The following DPF2 variants were observed in gnomAD, a reference collection of about 807,000 sequenced individuals.
The protein encoded by DPF2 is zinc finger protein ubi-d4.
Under a neutral mutation model 59.6 loss-of-function variants are expected in DPF2, and 10 were observed. That is an observed-to-expected ratio of 0.17 (90% CI 0.10 to 0.28). DPF2 has a LOEUF of 0.28. Ranked by LOEUF, DPF2 falls within the 10% of genes least tolerant of loss-of-function variation. DPF2 has a pLI of 1.00. For synonymous variants in DPF2, 189 were observed against 190.6 expected (o/e 0.99, Z 0.07); for missense variants, 315 against 509.4 (o/e 0.62, Z 3.67).
intron 1 of DPF2, among the ~76,000 whole-genome samples, chr11:65,337,073 AAG>A (rs1008903448): frequency 9.9e-5 from 15 of 152,218 alleles, no homozygotes; most frequent in South Asian, 2.1e-4. Context: ...GTCTCAAAAA[AAG>A]AGAGAAAGTC....
chr11:65,348,937 T>C lies in DPF2; in HGVS notation c.1099+6T>C. The C allele has an allele frequency of 5.6e-6, 9 of 1,614,182 alleles. No individual in the cohort carries two copies. Among genetic ancestry groups the C allele is most frequent in the Non-Finnish European group, 6.8e-6 (8 of 1,180,002 alleles). On this transcript the variant is annotated splice_donor_region_variant and intron_variant, in intron 10 of 10. Coordinates refer to ENST00000528416, the MANE Select transcript of DPF2 (RefSeq NM_006268.5). ...CATGTCTGAGCCCCCTGAAGGTAAGTTGCCCAGATCTTTTACTCAGAACAA... is the reference window on the plus strand; with the variant it reads ...CATGTCTGAGCCCCCTGAAGGTAAGCTGCCCAGATCTTTTACTCAGAACAA...
intron 1 of DPF2, among the ~76,000 whole-genome samples, chr11:65,337,962 G>T (rs1057252289): frequency 6.6e-6 from 1 of 151,966 alleles, no homozygotes; most frequent in African/African-American, 2.4e-5. Flanking sequence ...GTACCACCAC[G>T]CCCGGCTAAT....
chr11:65,350,991 AAAAT>A (rs1452619501), intron 10 of DPF2, among the ~76,000 whole-genome samples: 2 of 151,914 alleles, frequency 1.3e-5, no homozygotes, highest in African/African-American at 4.8e-5. Context: ...AGAAAAAAAA[AAAAT>A]AAAGGGAGTT....
chr11:65,340,641 A>G (rs1457866745), intron 2 of DPF2, 96 bp downstream of exon 2: 4 of 1,499,748 alleles, frequency 2.7e-6, no homozygotes, highest in Admixed American at 2.1e-5. Context: ...GGTTTTCCCT[A>G]CTGCCTTCCA....
intron 2 of DPF2, 56 bp downstream of exon 2, chr11:65,340,601 C>T: frequency 6.2e-7 from 1 of 1,601,606 alleles, no homozygotes; most frequent in Non-Finnish European, 8.5e-7. Context: ...GAAGAAGCCT[C>T]CTCATCTTAG....
chr11:65,345,615 A>G, intron 6 of DPF2, 51 bp from the exon 7 acceptor site: 1 of 1,607,628 alleles, frequency 6.2e-7, no homozygotes, highest in South Asian at 1.1e-5. Flanking sequence ...GGATGGGGAC[A>G]TGGCACTCTT....
chr11:65,348,726 C>T, intron 9 of DPF2, 124 bp from the exon 10 acceptor site: 1 of 843,916 alleles, frequency 1.2e-6, no homozygotes, highest in Middle Eastern at 2.8e-4. Context: ...CATGGTTTCC[C>T]ACATAAGATT....
intron 5 of DPF2, 55 bp downstream of exon 5, chr11:65,343,892 T>G (rs1387120272): frequency 6.3e-6 from 10 of 1,591,428 alleles, no homozygotes; most frequent in African/African-American, 2.7e-5. Context: ...AGGGAATTCC[T>G]TATTTTATTT....
At chr11:65,343,704 TG>T in intron 4 of DPF2, 40 bp from the exon 5 acceptor site, 1 of 1,554,082 alleles carries the variant, frequency 6.4e-7, no homozygotes, top group Non-Finnish European at 8.7e-7. Flanking sequence ...AGCTTTTGGA[TG>T]CACATATTTC....
chr11:65,349,460 C>T (rs1854628595), intron 10 of DPF2, among the ~76,000 whole-genome samples: 1 of 152,066 alleles, frequency 6.6e-6, no homozygotes, highest in Non-Finnish European at 1.5e-5. Context: ...TCCACAAGTC[C>T]CCTTCCAGCT....
rs112866560 is a variant in DPF2 at position 65,354,053 on chromosome 11, G to A, written c.*2294G>A. ...GACAGTGTCAGCCGGTAGGACGGGGGTGCGGACGGAAGCCTGTGAGGAAGG... is the reference window on the plus strand; with the variant it reads ...GACAGTGTCAGCCGGTAGGACGGGGATGCGGACGGAAGCCTGTGAGGAAGG... On this transcript the variant is annotated 3_prime_UTR_variant, in exon 11 of 11. Coordinates refer to ENST00000528416, the MANE Select transcript of DPF2 (RefSeq NM_006268.5). Among the ~76,000 whole-genome samples the A allele has an allele frequency of 2.6e-5, 4 of 152,188 alleles. No individual in the cohort carries two copies. Among genetic ancestry groups the A allele is most frequent in the African/African-American group, 7.2e-5 (3 of 41,442 alleles).
Position 65,351,754 on chromosome 11 carries a change from T to A in DPF2, c.1171T>A (p.Ser391Thr). 1 of 1,613,020 alleles carries A rather than the reference T, an allele frequency of 6.2e-7. No homozygotes were observed. The highest frequency in any genetic ancestry group is 8.5e-7 in the Non-Finnish European group (1 of 1,180,030). ...TTCCATCTACCAGAACCAGAACTCC[T>A]CTTGATGTGGCCACCCACCTGCTCC... ...KASIYQNQNS[S>T] Residue 391 changes from serine to threonine, a missense_variant, in exon 11 of 11, where the codon TCT (serine) becomes ACT (threonine). Physicochemically the swap from Ser to Thr is moderately conservative, Grantham distance 58 (BLOSUM62 1). Around this residue, in one of 4 missense-constraint regions of DPF2, gnomAD observed 27 missense variants for 125.8 expected, o/e 0.21. Coordinates refer to ENST00000528416, the MANE Select transcript of DPF2 (RefSeq NM_006268.5).
chr11:65,341,556 G>A lies in DPF2; in HGVS notation c.459G>A (p.Ala153=), dbSNP rs145264138. The A allele has an allele frequency of 4.8e-5, 77 of 1,614,118 alleles. No individual in the cohort carries two copies. In the Middle Eastern group the frequency reaches 4.9e-4, roughly 10 times the overall value. Residue 153 remains alanine (A), a synonymous_variant, in exon 4 of 11, where the codon GCG becomes GCA. Coordinates refer to ENST00000528416, the MANE Select transcript of DPF2 (RefSeq NM_006268.5). ...LGEFPVTNSR[A]RKRILEPDDF... ...AGTTTCCTGTGACCAACAGTCGAGC[G>A]CGAAAGGTACAGGATTATCCCTGTG...
intron 1 of DPF2, among the ~76,000 whole-genome samples, chr11:65,336,520 G>C (rs1039349073): frequency 2.6e-5 from 4 of 151,672 alleles, no homozygotes; most frequent in African/African-American, 9.7e-5. Context: ...TGTTGGGCGC[G>C]GTGGCTCATG....
chr11:65,337,896 C>G (rs1310839032), intron 1 of DPF2, among the ~76,000 whole-genome samples: 1 of 152,072 alleles, frequency 6.6e-6, no homozygotes, highest in Non-Finnish European at 1.5e-5. Context: ...CCTCCGCCTC[C>G]CAGGTTCAAG....
intron 1 of DPF2, among the ~76,000 whole-genome samples, chr11:65,339,769 C>A (rs1854308938): frequency 6.6e-6 from 1 of 152,152 alleles, no homozygotes; most frequent in Admixed American, 6.5e-5. Context: ...CAGCAGTGTA[C>A]CTTGCTTTGC....
chr11:65,351,444 A>G (rs1022112134), intron 10 of DPF2, among the ~76,000 whole-genome samples: 3 of 152,196 alleles, frequency 2.0e-5, no homozygotes, highest in Admixed American at 2.0e-4. Flanking sequence ...GGGCATCAGT[A>G]TTCTGAAGTC....
chr11:65,345,858 A>G, intron 7 of DPF2, 55 bp downstream of exon 7: 2 of 1,612,806 alleles, frequency 1.2e-6, no homozygotes, highest in Non-Finnish European at 1.7e-6. Flanking sequence ...GGTTATGAAA[A>G]CCACTCCTTG....
chr11:65,334,336 A>T (rs531840645), intron 1 of DPF2, among the ~76,000 whole-genome samples: 1 of 142,798 alleles, frequency 7.0e-6, no homozygotes, highest in East Asian at 2.3e-4. Context: ...CGTTCGCTGC[A>T]GCAACAGGCT....
Sources: allele counts gnomAD v4.1 joint callset (sites outside exome capture counted in the v4.1 genomes callset), GRCh38; gene constraint gnomAD v4.1.1; regional missense constraint gnomAD v4.1.1; transcripts MANE v1.5; gene names NCBI Gene and HGNC (gene_info 2026-07-23, HGNC 2026-07-21).